Variants in MYOM3 observed in about 807,000 individuals in gnomAD.
MYOM3 encodes the protein myomesin-3.
In MYOM3, 155 loss-of-function variants were observed where a neutral mutation model predicts 191.7. That is an observed-to-expected ratio of 0.81 (90% CI 0.71 to 0.92). The LOEUF (loss-of-function observed/expected upper bound fraction) is 0.92. MYOM3 is among the 40% of genes least tolerant of loss of function. MYOM3 has a pLI of 0.00. For missense variants in MYOM3, 1,889 were observed against 1,890.6 expected (o/e 1.00, Z 0.02); for synonymous variants, 757 against 762.9 (o/e 0.99, Z 0.13).
intron 7 of MYOM3, among the ~76,000 whole-genome samples, chr1:24,097,057 C>T (rs1643882031): frequency 6.6e-6 from 1 of 152,220 alleles, no homozygotes; most frequent in Admixed American, 6.5e-5. Flanking sequence ...TGGCTGACTC[C>T]TGAGTGTCTA....
intron 25 of MYOM3, 122 bp downstream of exon 25, chr1:24,070,995 G>A: frequency 2.4e-6 from 3 of 1,269,226 alleles, no homozygotes; most frequent in Non-Finnish European, 3.3e-6. Flanking sequence ...AACAGCAAAA[G>A]CACACCGTCA....
Position 24,075,478 on chromosome 1 carries a change from G to A in MYOM3, c.2702-3C>T. ...ACCAACCTCGATCTCATGGGCACCTGAGGGCGAGATCCAACAGAGGGCAGC... is the reference window on the plus strand; with the variant it reads ...ACCAACCTCGATCTCATGGGCACCTAAGGGCGAGATCCAACAGAGGGCAGC... On this transcript the variant is annotated splice_region_variant and splice_polypyrimidine_tract_variant and intron_variant, in intron 21 of 36. Coordinates refer to ENST00000374434, the MANE Select transcript of MYOM3 (RefSeq NM_152372.4). 2 of 1,560,812 alleles carry A rather than the reference G, an allele frequency of 1.3e-6. No homozygotes were observed. Among genetic ancestry groups the A allele is most frequent in the African/African-American group, 1.4e-5 (1 of 72,532 alleles).
chr1:24,090,166 G>T, intron 12 of MYOM3, 48 bp from the exon 13 acceptor site: 1 of 1,485,952 alleles, frequency 6.7e-7, no homozygotes, highest in Non-Finnish European at 9.4e-7. Flanking sequence ...CACAGGAGGA[G>T]TTAGGCCAGG....
rs374495623 is a variant in MYOM3, at chr1:24,068,346, G to A, written c.3172C>T (p.Arg1058Ter). ...ATCACTTCCACCAGGCCCTTCTCTCGGTCAAAATTGATTTTGCGGTTCTGA... is the reference window on the plus strand; with the variant it reads ...ATCACTTCCACCAGGCCCTTCTCTCAGTCAAAATTGATTTTGCGGTTCTGA... The part of the protein sequence containing the change: ...SSPNRKINFD[R>*]EKGLVEVIIQ... Residue 1058 changes from arginine (R) to a stop codon, truncating the protein, a stop_gained, in exon 26 of 37, where the codon CGA becomes TGA. Transcript: ENST00000374434. LOFTEE classifies it high-confidence loss of function. 26 of 1,614,048 alleles carry A rather than the reference G, an allele frequency of 1.6e-5. No homozygotes were observed. Among genetic ancestry groups the A allele is most frequent in the South Asian group, 2.2e-5 (2 of 91,068 alleles).
intron 29 of MYOM3, chr1:24,064,413 G>T (rs748550930): frequency 6.4e-5 from 31 of 485,192 alleles, no homozygotes; most frequent in Non-Finnish European, 1.0e-4. Context: ...AGGGGGAGTT[G>T]AGGACAGAAC....
intron 20 of MYOM3, among the ~76,000 whole-genome samples, chr1:24,078,021 T>C (rs1557606995): frequency 6.6e-6 from 1 of 152,200 alleles, no homozygotes; most frequent in Non-Finnish European, 1.5e-5. Flanking sequence ...GGAAACATTT[T>C]AAGTGATAAA....
chr1:24,108,024 G>C lies in MYOM3; in HGVS notation c.211C>G (p.Leu71Val), dbSNP rs769656411. 1.2e-6 allele frequency: 2 copies of C among 1,613,624 alleles called. No individual in the cohort carries two copies. The highest frequency in any genetic ancestry group is 2.7e-5 in the African/African-American group (2 of 74,918). The change falls in exon 3 of 37, where the codon CTG becomes GTG. Residue 71 changes from leucine to valine, a missense_variant. Physicochemically the swap from Leu to Val is conservative, Grantham distance 32. Transcript: ENST00000374434. ...SAADYALAAA[L>V]ALTASSELSW... ...AGCTCGGAGGAGGCCGTCAGAGCCAGGGCTGCTGCCAGGGCGTAGTCCGCG... is the reference window on the plus strand; with the variant it reads ...AGCTCGGAGGAGGCCGTCAGAGCCACGGCTGCTGCCAGGGCGTAGTCCGCG...
At chr1:24,070,294 C>A (rs1003048915) in intron 25 of MYOM3, among the ~76,000 whole-genome samples, 4 of 152,022 alleles carry the variant, frequency 2.6e-5, no homozygotes, top group African/African-American at 9.7e-5. Flanking sequence ...GGTAAAGTAA[C>A]CAGCAGAATA....
Position 24,066,268 on chromosome 1 carries a change from A to ACC in MYOM3, c.3424-269_3424-268dup. 4 of 714,138 alleles carry ACC rather than the reference A, an allele frequency of 5.6e-6. No individual in the cohort carries two copies. The South Asian group carries it at 5.9e-5, about 11-fold the overall frequency. 44.2% of individuals were successfully genotyped at this position (714,138 alleles called of 1,614,324 possible). A position where few individuals can be genotyped will look rare whatever the true frequency, so the allele number is the denominator to read the frequency against. On this transcript the variant is annotated intron_variant, in intron 28 of 36. Transcript: ENST00000374434. Reference sequence around the variant, plus strand: ...CTTTTTTTTGAAGCATCCCATAGTCACCCCCTCCATCACGATTCATCAATG... The same window carrying ACC: ...CTTTTTTTTGAAGCATCCCATAGTCACCCCCCCTCCATCACGATTCATCAATG...
intron 19 of MYOM3, 104 bp from the exon 20 acceptor site, chr1:24,080,298 T>C: frequency 1.1e-6 from 1 of 879,374 alleles, no homozygotes; most frequent in Non-Finnish European, 1.7e-6. Flanking sequence ...TGTCAATCCC[T>C]CAGTCACAGT....
chr1:24,102,708 T>TG (rs989253064), intron 5 of MYOM3, among the ~76,000 whole-genome samples: 1 of 151,970 alleles, frequency 6.6e-6, no homozygotes, highest in African/African-American at 2.4e-5. Context: ...TAGCCAGGTG[T>TG]GGGGGCACAT....
chr1:24,084,866 C>T (rs186250814), intron 15 of MYOM3, among the ~76,000 whole-genome samples: 15 of 152,302 alleles, frequency 9.8e-5, no homozygotes, highest in African/African-American at 3.1e-4. Context: ...CTCACTAAAG[C>T]ACAAAAGCAT....
rs925856479 is a variant in MYOM3 at position 24,063,643 on chromosome 1, G to C, written c.3623-113C>G. On this transcript the variant is annotated intron_variant, in intron 30 of 36. Coordinates refer to ENST00000374434, the MANE Select transcript of MYOM3 (RefSeq NM_152372.4). The surrounding 1 kb of genome is among the most constrained non-coding windows in gnomAD (Gnocchi z 4.5). ...GGAGCCCGTGAGCTGCTCTCAGGGG[G>C]ACAGGCAACTCTGTAGGATGACTCT... 2.5e-6 allele frequency: 3 copies of C among 1,190,514 alleles called. No homozygotes were observed. The South Asian group carries it at 3.9e-5, about 15-fold the overall frequency. The allele number at this position is 1,190,514 out of a possible 1,614,324, so 73.7% of individuals were successfully genotyped here. A position where few individuals can be genotyped will look rare whatever the true frequency, so the allele number is the denominator to read the frequency against.
intron 4 of MYOM3, 122 bp downstream of exon 4, chr1:24,106,951 G>T (rs1008700026): frequency 1.9e-5 from 18 of 955,328 alleles, no homozygotes; most frequent in Non-Finnish European, 2.7e-5. Flanking sequence ...AGGGGCATCA[G>T]ATGCAGACCC....
At position 24,076,283 on chromosome 1, in the gene MYOM3, G is replaced by C; in HGVS notation, c.2587-10C>G. 6.2e-7 allele frequency: 1 copy of C among 1,605,386 alleles called. No homozygotes were observed. Among genetic ancestry groups the C allele is most frequent in the African/African-American group, 1.3e-5 (1 of 74,874 alleles). On this transcript the variant is annotated splice_polypyrimidine_tract_variant and intron_variant, in intron 20 of 36. Coordinates refer to ENST00000374434, the MANE Select transcript of MYOM3 (RefSeq NM_152372.4). ...GCTGCAAGTCGGAAACCTGGGGGCA[G>C]AGGGCAAGAGCCAGCACTGAGGACA... is the stretch of plus-strand genomic sequence containing the variant.
intron 32 of MYOM3, 120 bp from the exon 33 acceptor site, chr1:24,062,229 G>C: frequency 1.0e-6 from 1 of 967,996 alleles, no homozygotes; most frequent in Non-Finnish European, 1.6e-6. Context: ...TGGTGACTAT[G>C]AGGCACCAGA....
intron 6 of MYOM3, among the ~76,000 whole-genome samples, chr1:24,098,766 A>G (rs112046533): frequency 7.2e-5 from 11 of 152,166 alleles, no homozygotes; most frequent in African/African-American, 2.4e-4. Flanking sequence ...ATATGGTCAG[A>G]TATTTATGTC....
intron 17 of MYOM3, 35 bp from the exon 18 acceptor site, chr1:24,082,223 C>T (rs1643679102): frequency 1.3e-6 from 2 of 1,546,118 alleles, no homozygotes; most frequent in African/African-American, 1.4e-5. Flanking sequence ...ACAGCTGCTC[C>T]CTAGGGGTGG....
At chr1:24,090,026 C>T (rs1400654541) in intron 13 of MYOM3, 39 bp downstream of exon 13, 1 of 1,599,770 alleles carries the variant, frequency 6.3e-7, no homozygotes, top group Non-Finnish European at 8.6e-7. Context: ...GTTTTGAGAA[C>T]TATACAGGAG....
Sources: gnomAD v4.1 joint callset for allele counts (sites outside exome capture counted in the v4.1 genomes callset) on GRCh38, gnomAD v4.1.1 for gene constraint, Gnocchi (gnomAD v3.1) non-coding constraint, MANE v1.5 for transcripts, NCBI Gene and HGNC (gene_info 2026-07-23, HGNC 2026-07-21) for gene names.